ORC4: variants seen among roughly 807,000 people sequenced by gnomAD.
The protein encoded by ORC4 is origin recognition complex subunit 4.
Under a neutral mutation model 63.9 loss-of-function variants are expected in ORC4, and 55 were observed. The observed-to-expected ratio is 0.86, with a 90% CI of 0.69 to 1.08. The LOEUF is 1.08. Ranked by LOEUF, ORC4 falls within the 50% of genes least tolerant of loss-of-function variation. The probability of loss-of-function intolerance (pLI) is 0.00; values close to 1 mark genes in which losing one functional copy is unlikely to be tolerated. For missense variants in ORC4, 511 were observed against 504.4 expected (o/e 1.01, Z -0.13); for synonymous variants, 150 against 168.5 (o/e 0.89, Z 0.85).
At position 147,939,166 on chromosome 2, in the gene ORC4, A is replaced by G. The variant is rs368139745; in HGVS notation, c.932T>C (p.Met311Thr). ...DLMEASQLCS[M>T]DSKANIVHGL... ...ATGTACAATATTTGCTTTCGAGTCC[A>G]TGCTACACAGTTGGCTTGCTTCCAT... is the stretch of plus-strand genomic sequence containing the variant. Residue 311 changes from methionine (M) to threonine (T), a missense_variant, in exon 11 of 14, where the codon ATG becomes ACG. By Grantham distance (81) the Met-to-Thr change is moderately conservative. Transcript: ENST00000392857. 23 of 1,611,122 alleles carry G rather than the reference A, an allele frequency of 1.4e-5. No homozygotes were observed. The highest frequency in any genetic ancestry group is 1.9e-5 in the Non-Finnish European group (22 of 1,177,512).
At position 147,975,930 on chromosome 2, in the gene ORC4, C is replaced by CTGT; in HGVS notation, c.26_28dup (p.Asn9dup). 1 of 1,594,782 alleles carries CTGT rather than the reference C, an allele frequency of 6.3e-7. No individual in the cohort carries two copies. The highest frequency in any genetic ancestry group is 8.6e-7 in the Non-Finnish European group (1 of 1,162,954). On this transcript the variant is annotated inframe_insertion, in exon 2 of 14. Coordinates refer to ENST00000392857, the MANE Select transcript of ORC4 (RefSeq NM_181741.4). ...TGAAAGGCACTCTGTGTGAATTAAG[C>CTGT]TGTTACTCTTTGATTTACGACTGCT... is the stretch of plus-strand genomic sequence containing the variant.
At chr2:147,945,681 CAAGGTTCAATCTTATCCTG>C (rs1442793944) in intron 9 of ORC4, among the ~76,000 whole-genome samples, 1 of 152,084 alleles carries the variant, frequency 6.6e-6, no homozygotes, top group Non-Finnish European at 1.5e-5. Flanking sequence ...GGCAGGATAT[CAAGGTTCAATCTTATCCTG>C]AAGATATTTC....
chr2:147,969,891 T>C (rs1335815953), intron 4 of ORC4, among the ~76,000 whole-genome samples: 3 of 151,804 alleles, frequency 2.0e-5, no homozygotes, highest in Non-Finnish European at 4.4e-5. Context: ...GGAATAGAAG[T>C]ATGGAGATAG....
chr2:148,013,605 C>A (rs1693099927), intron 1 of ORC4, among the ~76,000 whole-genome samples: 2 of 152,040 alleles, frequency 1.3e-5, no homozygotes, highest in South Asian at 4.1e-4. Context: ...AAAGAAATGA[C>A]AAATACTTGA....
At chr2:148,012,558 C>T (rs1693035237) in intron 1 of ORC4, among the ~76,000 whole-genome samples, 1 of 152,012 alleles carries the variant, frequency 6.6e-6, no homozygotes, top group Non-Finnish European at 1.5e-5. Flanking sequence ...CTCAAAAACA[C>T]AAGCAACTAA....
rs958811363 is a variant in ORC4 at position 147,935,983 on chromosome 2, TTC to T, written c.1123-287_1123-286del. On this transcript the variant is annotated intron_variant, in intron 13 of 13. Coordinates refer to ENST00000392857, the MANE Select transcript of ORC4 (RefSeq NM_181741.4). ...CAATATGGTTTTCTTCCTAGCCTCA[TTC>T]TCTATCATAGCTCCTCCTAGTACTT... Among the ~76,000 whole-genome samples the T allele has an allele frequency of 1.2e-4, 18 of 152,324 alleles. 1 individual carries two copies. Among genetic ancestry groups the T allele is most frequent in the African/African-American group, 4.3e-4 (18 of 41,572 alleles).
At chr2:147,994,663 T>G (rs1210126619) in intron 1 of ORC4, among the ~76,000 whole-genome samples, 1 of 152,162 alleles carries the variant, frequency 6.6e-6, no homozygotes, top group African/African-American at 2.4e-5. Context: ...GACACAGACC[T>G]TACAAGTTTC....
chr2:147,950,438 T>C (rs961065416), intron 8 of ORC4, among the ~76,000 whole-genome samples: 3 of 152,304 alleles, frequency 2.0e-5, no homozygotes, highest in South Asian at 4.1e-4. Flanking sequence ...CTCTATACTT[T>C]TGTTCTCTCC....
chr2:148,008,717 C>T (rs901042842), intron 1 of ORC4, among the ~76,000 whole-genome samples: 6 of 152,086 alleles, frequency 3.9e-5, no homozygotes, highest in Non-Finnish European at 8.8e-5. Context: ...TAGTTTAGCC[C>T]GTGCGGTCTA....
chr2:148,005,911 T>C lies in ORC4; in HGVS notation c.-18+14722A>G, dbSNP rs569780613. On this transcript the variant is annotated intron_variant, in intron 1 of 13. Coordinates refer to ENST00000392857, the MANE Select transcript of ORC4 (RefSeq NM_181741.4). ...GGATCACTTCAGCCCAGGAGGTCAA[T>C]TGAGGCTGGAATGAGTTGAGATCAC... 7.9e-5 allele frequency among the ~76,000 whole-genome samples: 12 copies of C among 152,112 alleles called. No homozygotes were observed. In the East Asian group the frequency reaches 9.7e-4, roughly 12 times the overall value.
chr2:147,972,112 T>C (rs1553455861), intron 4 of ORC4, among the ~76,000 whole-genome samples: 5 of 152,098 alleles, frequency 3.3e-5, no homozygotes, highest in Non-Finnish European at 7.4e-5. Context: ...TTGTCTCCTA[T>C]ATTGCATAAA....
intron 1 of ORC4, among the ~76,000 whole-genome samples, chr2:148,006,029 G>T (rs1199985973): frequency 6.6e-6 from 1 of 152,048 alleles, no homozygotes; most frequent in African/African-American, 2.4e-5. Flanking sequence ...CCAAAATCAG[G>T]TGAGTAATCA....
At chr2:147,935,748 A>C (rs1688016036) in intron 13 of ORC4, 50 bp from the exon 14 acceptor site, 1 of 1,477,096 alleles carries the variant, frequency 6.8e-7, no homozygotes, top group African/African-American at 1.4e-5. Context: ...GAGAGTGACA[A>C]CTCTCCTGTT....
At chr2:148,009,617 C>T (rs1478940652) in intron 1 of ORC4, among the ~76,000 whole-genome samples, 1 of 152,082 alleles carries the variant, frequency 6.6e-6, no homozygotes, top group East Asian at 1.9e-4. Context: ...GAACCCAATA[C>T]AGTAATGACT....
intron 9 of ORC4, 72 bp from the exon 10 acceptor site, chr2:147,943,594 C>A: frequency 1.2e-6 from 1 of 841,908 alleles, no homozygotes; most frequent in Non-Finnish European, 2.0e-6. Context: ...TAATCCTGTG[C>A]CTTACTGGTT....
At chr2:148,001,140 G>A (rs1192477470) in intron 1 of ORC4, among the ~76,000 whole-genome samples, 4 of 152,136 alleles carry the variant, frequency 2.6e-5, no homozygotes, top group East Asian at 3.9e-4. Context: ...CAATCATTTC[G>A]TTGCACCATG....
chr2:147,953,508 C>T (rs1339685247), intron 7 of ORC4, among the ~76,000 whole-genome samples: 1 of 152,228 alleles, frequency 6.6e-6, no homozygotes, highest in East Asian at 1.9e-4. Flanking sequence ...AGGGGAGTCA[C>T]TAATTAATGA....
intron 1 of ORC4, among the ~76,000 whole-genome samples, chr2:147,976,730 A>C (rs568618424): frequency 4.0e-4 from 61 of 152,258 alleles, no homozygotes; most frequent in African/African-American, 1.4e-3. Context: ...AACACTCATA[A>C]GTGCCTGTAT....
chr2:147,960,443 T>C (rs1689522891), intron 4 of ORC4: 18 of 676,886 alleles, frequency 2.7e-5, no homozygotes, highest in Non-Finnish European at 3.1e-5. Context: ...TTCAAATATT[T>C]AAACTACATT....
Sources: gnomAD v4.1 joint callset for allele counts (sites outside exome capture counted in the v4.1 genomes callset) on GRCh38, gnomAD v4.1.1 for gene constraint, MANE v1.5 for transcripts, NCBI Gene and HGNC (gene_info 2026-07-23, HGNC 2026-07-21) for gene names.